The following NT5DC1 variants were observed in gnomAD, a reference collection of about 807,000 sequenced individuals.
NT5DC1 encodes the protein 5'-nucleotidase domain-containing protein 1.
A neutral mutation model predicts 59.4 loss-of-function variants in NT5DC1; 42 were observed. That is an observed-to-expected ratio of 0.71 (90% CI 0.55 to 0.92). The LOEUF (loss-of-function observed/expected upper bound fraction) is 0.92. Among genes scored for constraint, NT5DC1 ranks in the 40% least tolerant of loss-of-function variants. The pLI is 0.00. For synonymous variants in NT5DC1, 172 were observed against 188.1 expected, an observed-to-expected ratio of 0.91 and a Z score of 0.70; for missense variants, 501 against 537.1, an observed-to-expected ratio of 0.93 and a Z score of 0.66.
At chr6:116,169,814 G>A (rs963050503) in intron 6 of NT5DC1, among the ~76,000 whole-genome samples, 18 of 152,310 alleles carry the variant, frequency 1.2e-4, no homozygotes, top group African/African-American at 4.3e-4. Flanking sequence ...GATTGAAAGT[G>A]TGTATAGATG....
At chr6:116,237,707 C>G (rs1782145159) in intron 9 of NT5DC1, 1 of 319,188 alleles carries the variant, frequency 3.1e-6, no homozygotes, top group Admixed American at 3.9e-5. Flanking sequence ...TTTCCAGATT[C>G]AACATGCCCA....
At chr6:116,183,386 G>T (rs1415383230) in intron 6 of NT5DC1, among the ~76,000 whole-genome samples, 1 of 151,854 alleles carries the variant, frequency 6.6e-6, no homozygotes, top group Non-Finnish European at 1.5e-5. Flanking sequence ...TGAATTTTAG[G>T]ACTTTTTTCT....
At chr6:116,227,707 A>G (rs949668526) in intron 8 of NT5DC1, among the ~76,000 whole-genome samples, 5 of 151,712 alleles carry the variant, frequency 3.3e-5, no homozygotes, top group Admixed American at 1.3e-4. Flanking sequence ...TATTTCCCCA[A>G]TGCTTAGTGA....
chr6:116,124,148 GT>G (rs1356618305), intron 6 of NT5DC1, among the ~76,000 whole-genome samples: 2 of 151,762 alleles, frequency 1.3e-5, no homozygotes, highest in Non-Finnish European at 2.9e-5. Flanking sequence ...GTTTCCTTTT[GT>G]GAAATATTTT....
intron 6 of NT5DC1, among the ~76,000 whole-genome samples, chr6:116,215,149 A>G (rs557735594): frequency 6.6e-6 from 1 of 152,280 alleles, no homozygotes; most frequent in South Asian, 2.1e-4. Flanking sequence ...TAGCTCTACA[A>G]TCTAATCACC....
intron 6 of NT5DC1, among the ~76,000 whole-genome samples, chr6:116,147,611 G>A (rs1376392175): frequency 1.3e-5 from 2 of 151,950 alleles, no homozygotes; most frequent in East Asian, 1.9e-4. Flanking sequence ...ATTATAAATG[G>A]CCTTAAACCT....
chr6:116,126,783 A>G (rs1384303802), intron 6 of NT5DC1, among the ~76,000 whole-genome samples: 1 of 152,170 alleles, frequency 6.6e-6, no homozygotes, highest in Non-Finnish European at 1.5e-5. Context: ...ATCTCATATT[A>G]TGTTAATTTA....
In NT5DC1 at chr6:116,244,113, A is replaced by T. The variant is rs1771792422; in HGVS notation, c.*89A>T. ...AAAAATACTGTAAAAGACTTTAAGGAACAAGTTTTATTGACCAATAAGTTG... is the reference window on the plus strand; with the variant it reads ...AAAAATACTGTAAAAGACTTTAAGGTACAAGTTTTATTGACCAATAAGTTG... On this transcript the variant is annotated 3_prime_UTR_variant, in exon 12 of 12. Coordinates refer to ENST00000319550, the MANE Select transcript of NT5DC1 (RefSeq NM_152729.3). 8 of 522,168 alleles carry T rather than the reference A, an allele frequency of 1.5e-5. No homozygotes were observed. The Admixed American group carries it at 2.9e-4, about 19-fold the overall frequency. 32.3% of individuals were successfully genotyped at this position (522,168 alleles called of 1,614,324 possible).
Position 116,120,928 on chromosome 6 carries a change from G to A in NT5DC1, c.529+2983G>A, listed in dbSNP as rs771724221. 1.5e-5 allele frequency: 24 copies of A among 1,613,690 alleles called. No individual in the cohort carries two copies. The East Asian group carries it at 2.5e-4, about 16-fold the overall frequency. ...ACCCTGGGTTACCCTTAGGACCATCGAGACCTGGTTTTCCTGGGTACCCTG... is the reference window on the plus strand; with the variant it reads ...ACCCTGGGTTACCCTTAGGACCATCAAGACCTGGTTTTCCTGGGTACCCTG... On this transcript the variant is annotated intron_variant, in intron 6 of 11. Coordinates refer to ENST00000319550, the MANE Select transcript of NT5DC1 (RefSeq NM_152729.3).
chr6:116,186,284 G>T (rs1582861255), intron 6 of NT5DC1, among the ~76,000 whole-genome samples: 1 of 151,278 alleles, frequency 6.6e-6, no homozygotes. Flanking sequence ...TGATGCTTTT[G>T]TCTCATAGCT....
chr6:116,111,810 T>C (rs1778880230), intron 4 of NT5DC1, among the ~76,000 whole-genome samples: 1 of 152,206 alleles, frequency 6.6e-6, no homozygotes, highest in African/African-American at 2.4e-5. Flanking sequence ...ATAAAATTAG[T>C]TGATAGGAGA....
intron 9 of NT5DC1, 38 bp downstream of exon 9, chr6:116,237,122 T>G: frequency 8.7e-7 from 1 of 1,145,984 alleles, no homozygotes; most frequent in Non-Finnish European, 1.3e-6. Context: ...AGTGCCCACT[T>G]GCAGACATAA....
At position 116,156,867 on chromosome 6, in the gene NT5DC1, A is replaced by G. The variant is rs967642052; in HGVS notation, c.529+38922A>G. On this transcript the variant is annotated intron_variant, in intron 6 of 11. Transcript: ENST00000319550. ...CACCCCACGGCCCCATTACATCACA[A>G]CTCTTGCCACAACCCCTTTTGTTCT... 3.3e-5 allele frequency among the ~76,000 whole-genome samples: 5 copies of G among 151,794 alleles called. No homozygotes were observed. In the South Asian group the frequency reaches 1.0e-3, roughly 32 times the overall value.
At chr6:116,130,871 G>T (rs1426437033) in intron 6 of NT5DC1, among the ~76,000 whole-genome samples, 1 of 151,678 alleles carries the variant, frequency 6.6e-6, no homozygotes. Context: ...ATTCGTACCA[G>T]AATATTGAAA....
Position 116,223,105 on chromosome 6 carries a change from C to CA in NT5DC1, c.778dup (p.Ser260LysfsTer11), listed in dbSNP as rs1215759112. On this transcript the variant is annotated frameshift_variant, in exon 8 of 12. Transcript: ENST00000319550. LOFTEE classifies it high-confidence loss of function. The stretch of plus-strand genomic sequence containing the variant: ...AAGCCTGGTTTCTTCTCCCACTTAC[C>CA]AAGTCAGAGACCTTTCCGGACACTC... The CA allele has an allele frequency of 6.2e-7, 1 of 1,600,548 alleles. No individual in the cohort carries two copies. The highest frequency in any genetic ancestry group is 1.3e-5 in the African/African-American group (1 of 74,694).
intron 6 of NT5DC1, among the ~76,000 whole-genome samples, chr6:116,151,313 A>G (rs1780031309): frequency 6.6e-6 from 1 of 152,206 alleles, no homozygotes; most frequent in African/African-American, 2.4e-5. Context: ...CATACATGCA[A>G]GTGCATTTTT....
At chr6:116,161,368 C>T (rs1182559197) in intron 6 of NT5DC1, among the ~76,000 whole-genome samples, 1 of 151,440 alleles carries the variant, frequency 6.6e-6, no homozygotes, top group Admixed American at 6.6e-5. Context: ...AATAAAGATG[C>T]ATTGATATAA....
Position 116,190,890 on chromosome 6 carries a change from T to C in NT5DC1, c.530-30164T>C, listed in dbSNP as rs527442526. The stretch of plus-strand genomic sequence containing the variant: ...GTTCTGTGTGGTGCTTCTACATGGC[T>C]CTCATTAGTGGTTACCCCTGTTTAT... On this transcript the variant is annotated intron_variant, in intron 6 of 11. Coordinates refer to ENST00000319550, the MANE Select transcript of NT5DC1 (RefSeq NM_152729.3). Among the ~76,000 whole-genome samples, 5 of 152,090 alleles carry C rather than the reference T, an allele frequency of 3.3e-5. No homozygotes were observed. In the East Asian group the frequency reaches 7.8e-4, roughly 24 times the overall value.
rs536557976 is a variant in NT5DC1, at chr6:116,210,713, G to A, written c.530-10341G>A. On this transcript the variant is annotated intron_variant, in intron 6 of 11. Coordinates refer to ENST00000319550, the MANE Select transcript of NT5DC1 (RefSeq NM_152729.3). Reference sequence around the variant, plus strand: ...TTATTATAAATAATCTATTTTAAAAGTGATATTAAGTTAAAACCATGGAAA... The same window carrying A: ...TTATTATAAATAATCTATTTTAAAAATGATATTAAGTTAAAACCATGGAAA... Among the ~76,000 whole-genome samples, 3 of 151,626 alleles carry A rather than the reference G, an allele frequency of 2.0e-5. No individual in the cohort carries two copies. In the East Asian group the frequency reaches 5.8e-4, roughly 29 times the overall value.
Sources: gnomAD v4.1 joint callset for allele counts (sites outside exome capture counted in the v4.1 genomes callset) on GRCh38, gnomAD v4.1.1 for gene constraint, MANE v1.5 for transcripts, NCBI Gene and HGNC (gene_info 2026-07-23, HGNC 2026-07-21) for gene names.